PACRG: variants seen among roughly 807,000 people sequenced by gnomAD.
The protein encoded by PACRG is parkin coregulated.
PACRG carries 29 observed loss-of-function variants against 29.7 expected under a neutral mutation model. The ratio of observed to expected loss-of-function variants is 0.98; its 90% CI spans 0.73 to 1.33. PACRG has a LOEUF of 1.33. PACRG is among the 40% of genes most tolerant of loss of function. PACRG has a pLI of 0.00. For synonymous variants in PACRG, 116 were observed against 118.7 expected (o/e 0.98, Z 0.15); for missense variants, 279 against 316.2 (o/e 0.88, Z 0.89).
intron 1 of PACRG, among the ~76,000 whole-genome samples, chr6:162,744,330 G>T (rs1158313559): frequency 6.6e-6 from 1 of 152,308 alleles, no homozygotes; most frequent in South Asian, 2.1e-4. Flanking sequence ...GGGTGTGGTG[G>T]CTCACGCCTA....
intron 2 of PACRG, among the ~76,000 whole-genome samples, chr6:163,040,946 T>C (rs1245558283): frequency 6.6e-6 from 1 of 152,162 alleles, no homozygotes; most frequent in Non-Finnish European, 1.5e-5. Flanking sequence ...GCATGATTAG[T>C]TTTGAAATGT....
intron 2 of PACRG, chr6:163,043,304 C>T (rs1254576235): frequency 6.6e-6 from 1 of 152,184 alleles, no homozygotes; most frequent in African/African-American, 2.4e-5. Context: ...CCTGTAAACC[C>T]AGCATTTTGG....
At chr6:163,083,148 TGA>T (rs1361903103) in intron 3 of PACRG, among the ~76,000 whole-genome samples, 2 of 152,168 alleles carry the variant, frequency 1.3e-5, no homozygotes, top group African/African-American at 4.8e-5. Context: ...ATGAAGTTTG[TGA>T]AAGGAAAATA....
chr6:163,073,148 C>T (rs1812231604), intron 3 of PACRG, among the ~76,000 whole-genome samples: 1 of 152,108 alleles, frequency 6.6e-6, no homozygotes, highest in Non-Finnish European at 1.5e-5. Context: ...ATTGTCAAAA[C>T]TATCCGAAGC....
intron 3 of PACRG, among the ~76,000 whole-genome samples, chr6:163,076,916 T>C (rs564793874): frequency 2.6e-5 from 4 of 152,264 alleles, no homozygotes; most frequent in African/African-American, 7.2e-5. Flanking sequence ...TAGAACATAA[T>C]GTTAGAAAGT....
chr6:163,130,372 C>T (rs553349884), intron 4 of PACRG, among the ~76,000 whole-genome samples: 1 of 152,298 alleles, frequency 6.6e-6, no homozygotes, highest in Non-Finnish European at 1.5e-5. Flanking sequence ...ATTTTTTCTC[C>T]TCCCTTGGCC....
intron 2 of PACRG, among the ~76,000 whole-genome samples, chr6:162,941,762 A>G (rs1584813862): frequency 6.6e-6 from 1 of 152,366 alleles, no homozygotes; most frequent in Admixed American, 6.5e-5. Flanking sequence ...GTTAATTAAA[A>G]ACTTAAAAAG....
intron 2 of PACRG, among the ~76,000 whole-genome samples, chr6:162,935,704 A>G (rs1286406258): frequency 6.6e-6 from 1 of 151,734 alleles, no homozygotes; most frequent in African/African-American, 2.4e-5. Context: ...TTTCACTGTT[A>G]CTGGAGAATT....
At chr6:163,077,951 G>T (rs1433197959) in intron 3 of PACRG, among the ~76,000 whole-genome samples, 1 of 152,162 alleles carries the variant, frequency 6.6e-6, no homozygotes, top group African/African-American at 2.4e-5. Context: ...AGCTGTCCCT[G>T]CCAGCAAGGC....
rs139846546 is a variant in PACRG at position 163,052,623 on chromosome 6, A to G, written c.292-9527A>G. Among the ~76,000 whole-genome samples the G allele has an allele frequency of 3.8e-3, 572 of 152,302 alleles. 4 individuals are homozygous for G. Among genetic ancestry groups the G allele is most frequent in the African/African-American group, 0.013 (529 of 41,566 alleles). ...TTCTCCTTGGCCTTCCACCATGATT[A>G]TAAGTTTCCTGAGGCCTCCCCAGCC... On this transcript the variant is annotated intron_variant, in intron 2 of 4. Transcript: ENST00000366888.
At chr6:163,243,663 G>A (rs1338660429) in intron 4 of PACRG, among the ~76,000 whole-genome samples, 1 of 152,162 alleles carries the variant, frequency 6.6e-6, no homozygotes, top group Non-Finnish European at 1.5e-5. Flanking sequence ...TCCAGGTTCT[G>A]GTCCTGTCTG....
chr6:162,945,404 A>C lies in PACRG; in HGVS notation c.292-116746A>C, dbSNP rs536935341. ...AGCTTTAAATAAAAAACAGCAAAAAATGAAGGTTATTATATAATAATAAAG... is the reference window on the plus strand; with the variant it reads ...AGCTTTAAATAAAAAACAGCAAAAACTGAAGGTTATTATATAATAATAAAG... On this transcript the variant is annotated intron_variant, in intron 2 of 4. Transcript: ENST00000366888. 9.2e-5 allele frequency among the ~76,000 whole-genome samples: 14 copies of C among 152,216 alleles called. No individual in the cohort carries two copies. The East Asian group carries it at 2.3e-3, about 25-fold the overall frequency.
At chr6:162,845,218 A>C (rs898644712) in intron 2 of PACRG, among the ~76,000 whole-genome samples, 1 of 152,196 alleles carries the variant, frequency 6.6e-6, no homozygotes, top group Non-Finnish European at 1.5e-5. Context: ...CAGACAAAAT[A>C]CTAGGTTAAA....
At chr6:163,089,476 A>C in intron 4 of PACRG, 68 bp downstream of exon 4, 1 of 1,543,910 alleles carries the variant, frequency 6.5e-7, no homozygotes, top group Middle Eastern at 1.7e-4. Context: ...AAGTAGAGTT[A>C]ATTAGCAACA....
chr6:163,123,443 G>A (rs553487877), intron 4 of PACRG, among the ~76,000 whole-genome samples: 12 of 152,276 alleles, frequency 7.9e-5, no homozygotes, highest in South Asian at 6.2e-4. Flanking sequence ...TTGGGGGGTC[G>A]CTTTTTATTA....
chr6:162,770,479 A>G (rs1332598930), intron 1 of PACRG, among the ~76,000 whole-genome samples: 1 of 152,148 alleles, frequency 6.6e-6, no homozygotes, highest in East Asian at 1.9e-4. Context: ...TTATTGGCAT[A>G]TGAGCTTTGT....
At chr6:162,935,657 G>A (rs961409145) in intron 2 of PACRG, among the ~76,000 whole-genome samples, 1 of 151,384 alleles carries the variant, frequency 6.6e-6, no homozygotes, top group African/African-American at 2.4e-5. Context: ...TCATTATTTT[G>A]GATTTCTTTT....
intron 2 of PACRG, among the ~76,000 whole-genome samples, chr6:162,860,941 A>C (rs1033253519): frequency 6.6e-6 from 1 of 152,192 alleles, no homozygotes; most frequent in African/African-American, 2.4e-5. Context: ...GATTAAAATT[A>C]AGTCTGTTAG....
intron 2 of PACRG, among the ~76,000 whole-genome samples, chr6:162,994,821 G>A (rs1001906193): frequency 3.3e-5 from 5 of 151,054 alleles, no homozygotes; most frequent in South Asian, 2.1e-4. Context: ...GGCGCTCTGC[G>A]TTTTAGAGTT....
Sources: gnomAD v4.1 joint callset for allele counts (sites outside exome capture counted in the v4.1 genomes callset) on GRCh38, gnomAD v4.1.1 for gene constraint, MANE v1.5 for transcripts, NCBI Gene and HGNC (gene_info 2026-07-23, HGNC 2026-07-21) for gene names.